ARHGEF10L: variants seen among roughly 807,000 people sequenced by gnomAD.
ARHGEF10L encodes the protein rho guanine nucleotide exchange factor 10-like protein.
In ARHGEF10L, 69 loss-of-function variants were observed where a neutral mutation model predicts 141.2. The observed-to-expected ratio is 0.49, with a 90% CI of 0.40 to 0.60. ARHGEF10L has a LOEUF of 0.60. Ranked by LOEUF, ARHGEF10L falls within the 20% of genes least tolerant of loss-of-function variation. The probability of loss-of-function intolerance (pLI) is 0.00; values close to 1 mark genes in which losing one functional copy is unlikely to be tolerated. For synonymous variants in ARHGEF10L, 711 were observed against 718.5 expected (o/e 0.99, Z 0.17); for missense variants, 1,482 against 1,734.3 (o/e 0.85, Z 2.58).
rs548514013 is a variant in ARHGEF10L at position 17,637,969 on chromosome 1, C to T, written c.2009C>T (p.Thr670Met). The T allele has an allele frequency of 1.2e-5, 19 of 1,598,646 alleles. No individual in the cohort carries two copies. The highest frequency in any genetic ancestry group is 1.6e-4 in the Middle Eastern group (1 of 6,066). The change falls in exon 19 of 29, where the codon ACG becomes ATG. Residue 670 changes from threonine to methionine, a missense_variant. By Grantham distance (81) the Thr-to-Met change is moderately conservative. Transcript: ENST00000361221. ...QKDLAVVEQI[T>M]LLISTLHGTY... is the part of the protein sequence containing the mutation. ...GACCTGGCCGTGGTGGAGCAGATCACGCTTCTCATCAGCACGCTGCACGGC... is the reference window on the plus strand; with the variant it reads ...GACCTGGCCGTGGTGGAGCAGATCATGCTTCTCATCAGCACGCTGCACGGC...
intron 5 of ARHGEF10L, among the ~76,000 whole-genome samples, 185 bp downstream of exon 5, chr1:17,602,403 A>G (rs2080772844): frequency 6.6e-6 from 1 of 152,096 alleles, no homozygotes; most frequent in East Asian, 1.9e-4. Flanking sequence ...CAGTTGACAC[A>G]CCCAGTTTTT....
At chr1:17,642,671 C>A (rs186210823) in intron 21 of ARHGEF10L, among the ~76,000 whole-genome samples, 3 of 152,312 alleles carry the variant, frequency 2.0e-5, no homozygotes, top group East Asian at 3.9e-4. Flanking sequence ...CTGACCTCAG[C>A]TGGATGTTTC....
At position 17,664,457 on chromosome 1, in the gene ARHGEF10L, G is replaced by A. The variant is rs776221744; in HGVS notation, c.2871G>A (p.Leu957=). ...CCTCTCTCCCTGCAGGAGGTGTCCT[G>A]TGGGACCTGGAGAGCCCTCCCGTGT... ...AAYPRTSGGV[L]WDLESPPVCL... The change falls in exon 26 of 29, where the codon CTG becomes CTA. Residue 957 remains leucine, a synonymous_variant. Transcript: ENST00000361221. 7.5e-6 allele frequency: 12 copies of A among 1,603,882 alleles called. No homozygotes were observed. Among genetic ancestry groups the A allele is most frequent in the Admixed American group, 1.7e-5 (1 of 59,928 alleles).
In ARHGEF10L at chr1:17,634,934, G is replaced by C. The variant is rs1447221754; in HGVS notation, c.1845G>C (p.Gln615His). 1 of 1,614,020 alleles carries C rather than the reference G, an allele frequency of 6.2e-7. No individual in the cohort carries two copies. The highest frequency in any genetic ancestry group is 8.5e-7 in the Non-Finnish European group (1 of 1,179,998). ...AGGTGCAGGTGGTGGAGGTGGGCCA[G>C]GACGGTGGCACCTATGACAAGGACA... The part of the protein sequence containing the change: ...LPQVQVVEVG[Q>H]DGGTYDKDNV... Residue 615 changes from glutamine to histidine, a missense_variant, in exon 18 of 29, where the codon CAG becomes CAC. Gln to His is a conservative substitution (Grantham distance 24). Coordinates refer to ENST00000361221, the MANE Select transcript of ARHGEF10L (RefSeq NM_018125.4).
chr1:17,657,034 C>T (rs191121565), intron 25 of ARHGEF10L, among the ~76,000 whole-genome samples: 45 of 152,246 alleles, frequency 3.0e-4, no homozygotes, highest in African/African-American at 1.0e-3. Flanking sequence ...TCCCTTGTTG[C>T]GTGGCCTCCC....
rs578021091 is a variant in ARHGEF10L, at chr1:17,616,226, G to A, written c.835+24G>A. The A allele has an allele frequency of 1.9e-5, 31 of 1,593,666 alleles. No individual in the cohort carries two copies. In the East Asian group the frequency reaches 4.2e-4, roughly 22 times the overall value. On this transcript the variant is annotated intron_variant, in intron 9 of 28. Transcript: ENST00000361221. ...CGGTGAGGCGCTGCCCGAGCGGGAGGGTCTGGTGCCCAGCTCTGACTGGGG... is the reference window on the plus strand; with the variant it reads ...CGGTGAGGCGCTGCCCGAGCGGGAGAGTCTGGTGCCCAGCTCTGACTGGGG...
At chr1:17,643,684 G>T (rs918069009) in intron 21 of ARHGEF10L, among the ~76,000 whole-genome samples, 1 of 152,154 alleles carries the variant, frequency 6.6e-6, no homozygotes, top group Non-Finnish European at 1.5e-5. Flanking sequence ...CAGAAAACGG[G>T]GAAAATGCCA....
Position 17,570,939 on chromosome 1 carries a change from A to G in ARHGEF10L, c.-43-9614A>G, listed in dbSNP as rs187938582. On this transcript the variant is annotated intron_variant, in intron 1 of 28. Transcript: ENST00000361221. ...TAGCAAGCGGGATGGGAAGACTGGG[A>G]GGAGCAGGGTTCTTTGTTCTGGCAG... 3.9e-3 allele frequency among the ~76,000 whole-genome samples: 588 copies of G among 152,176 alleles called. 14 individuals are homozygous for G. The highest frequency in any genetic ancestry group is 0.037 in the Admixed American group (565 of 15,284).
chr1:17,634,648 C>T (rs879170112), intron 17 of ARHGEF10L, 86 bp downstream of exon 17: 6 of 1,551,850 alleles, frequency 3.9e-6, no homozygotes, highest in South Asian at 3.6e-5. Context: ...GGGGCTGGGG[C>T]CTGGGCGCCT....
At chr1:17,515,711 T>C in the ARHGEF10L span, among the ~76,000 whole-genome samples, 1 of 151,968 alleles carries the variant, frequency 6.6e-6, no homozygotes, top group Non-Finnish European at 1.5e-5. Context: ...GATACAATCA[T>C]GGCTTATTGC....
chr1:17,677,965 G>A (rs74061940), intron 26 of ARHGEF10L, among the ~76,000 whole-genome samples: 3,725 of 152,332 alleles, frequency 0.024, 162 homozygotes, highest in African/African-American at 0.085. Flanking sequence ...TCTGACTAGA[G>A]GCTCGGTGGT....
At chr1:17,567,010 C>G (rs1343716821) in intron 1 of ARHGEF10L, among the ~76,000 whole-genome samples, 1 of 152,186 alleles carries the variant, frequency 6.6e-6, no homozygotes, top group Non-Finnish European at 1.5e-5. Context: ...GAAGATGTGA[C>G]TGCCATCACT....
At chr1:17,632,534 C>T in intron 16 of ARHGEF10L, 68 bp downstream of exon 16, 15 of 1,599,558 alleles carry the variant, frequency 9.4e-6, no homozygotes, top group Non-Finnish European at 3.4e-6. Flanking sequence ...CTACTCCAGT[C>T]TCTTGGCCGG....
intron 21 of ARHGEF10L, among the ~76,000 whole-genome samples, chr1:17,646,522 T>C (rs1362838097): frequency 1.3e-5 from 2 of 152,066 alleles, no homozygotes; most frequent in Admixed American, 6.5e-5. Flanking sequence ...GTTTCGGCCT[T>C]CATAGAACAC....
chr1:17,602,422 C>T (rs2080775722), intron 5 of ARHGEF10L, among the ~76,000 whole-genome samples: 1 of 152,226 alleles, frequency 6.6e-6, no homozygotes, highest in African/African-American at 2.4e-5. Flanking sequence ...TTCATCTGCT[C>T]CTCAAATACT....
chr1:17,556,835 T>G (rs1049895296), intron 1 of ARHGEF10L, among the ~76,000 whole-genome samples: 5 of 152,164 alleles, frequency 3.3e-5, no homozygotes, highest in African/African-American at 9.7e-5. Context: ...CAAGGACCAC[T>G]TTTTGAAAAA....
At chr1:17,521,159 A>C in the ARHGEF10L span, among the ~76,000 whole-genome samples, 3 of 152,112 alleles carry the variant, frequency 2.0e-5, no homozygotes, top group Non-Finnish European at 2.9e-5. Context: ...CCACAGCTTG[A>C]CTATCTCCGG....
chr1:17,578,037 G>A (rs1019814515), intron 1 of ARHGEF10L, among the ~76,000 whole-genome samples: 9 of 152,184 alleles, frequency 5.9e-5, no homozygotes, highest in African/African-American at 2.2e-4. Context: ...TGGCCCCAGG[G>A]TAGAGTAGCA....
intron 7 of ARHGEF10L, among the ~76,000 whole-genome samples, chr1:17,608,728 C>T (rs1218672183): frequency 1.3e-5 from 2 of 152,154 alleles, no homozygotes; most frequent in Non-Finnish European, 1.5e-5. Flanking sequence ...CAGCTTCTTA[C>T]AGGCCCTGAC....
Sources: allele counts gnomAD v4.1 joint callset (sites outside exome capture counted in the v4.1 genomes callset), GRCh38; gene constraint gnomAD v4.1.1; transcripts MANE v1.5; gene names NCBI Gene and HGNC (gene_info 2026-07-23, HGNC 2026-07-21).